The following ABLIM3 variants were observed in gnomAD, a reference collection of about 807,000 sequenced individuals.
ABLIM3 encodes actin binding LIM protein family member 3.
A neutral mutation model predicts 109.5 loss-of-function variants in ABLIM3; 61 were observed. The ratio of observed to expected loss-of-function variants is 0.56; its 90% CI spans 0.45 to 0.69. The LOEUF is 0.69. Ranked by LOEUF, ABLIM3 falls within the 30% of genes least tolerant of loss-of-function variation. ABLIM3 has a pLI of 0.00. For missense variants in ABLIM3, 796 were observed against 889.5 expected, an observed-to-expected ratio of 0.89 and a Z score of 1.34; for synonymous variants, 300 against 324.8, an observed-to-expected ratio of 0.92 and a Z score of 0.82.
At chr5:149,224,931 A>G (rs557143247) in intron 8 of ABLIM3, among the ~76,000 whole-genome samples, 1 of 152,326 alleles carries the variant, frequency 6.6e-6, no homozygotes, top group South Asian at 2.1e-4. Context: ...AGAATATTAC[A>G]TGAAATGATG....
chr5:149,192,322 G>A (rs992349051), intron 3 of ABLIM3, among the ~76,000 whole-genome samples: 2 of 150,470 alleles, frequency 1.3e-5, no homozygotes, highest in Non-Finnish European at 2.9e-5. Context: ...ATAATAAGGA[G>A]AAAGGAAAAG....
At chr5:149,177,984 G>A (rs933806090) in intron 2 of ABLIM3, among the ~76,000 whole-genome samples, 1 of 152,110 alleles carries the variant, frequency 6.6e-6, no homozygotes, top group Non-Finnish European at 1.5e-5. Context: ...AAGTGGCAGG[G>A]CTGGAATCCA....
intron 13 of ABLIM3, 133 bp downstream of exon 13, chr5:149,240,021 C>T (rs1344731554): frequency 2.3e-6 from 3 of 1,303,022 alleles, no homozygotes; most frequent in Non-Finnish European, 3.0e-6. Context: ...AGGCCTATGG[C>T]CACCCAGGTG....
At chr5:149,159,212 A>G (rs1754111010) in intron 2 of ABLIM3, among the ~76,000 whole-genome samples, 2 of 152,240 alleles carry the variant, frequency 1.3e-5, no homozygotes, top group African/African-American at 4.8e-5. Flanking sequence ...GGAACAAACT[A>G]TTGACACATG....
At chr5:149,179,917 G>A (rs965914759) in intron 2 of ABLIM3, among the ~76,000 whole-genome samples, 1 of 152,220 alleles carries the variant, frequency 6.6e-6, no homozygotes, top group African/African-American at 2.4e-5. Flanking sequence ...GAACGTTCTA[G>A]TGGATAGCAC....
At chr5:149,160,257 C>A (rs527597478) in intron 2 of ABLIM3, among the ~76,000 whole-genome samples, 1 of 151,970 alleles carries the variant, frequency 6.6e-6, no homozygotes, top group Admixed American at 6.6e-5. Context: ...GAGTTCGAGA[C>A]CAGCCTGGCC....
At chr5:149,258,010 G>A (rs1754593302) in intron 23 of ABLIM3, among the ~76,000 whole-genome samples, 1 of 152,198 alleles carries the variant, frequency 6.6e-6, no homozygotes, top group Non-Finnish European at 1.5e-5. Context: ...GGACTCCAAG[G>A]GGTGTGTAGT....
Position 149,259,625 on chromosome 5 carries a change from T to C in ABLIM3, c.*1221T>C, listed in dbSNP as rs1754739014. 2 of 1,526,096 alleles carry C rather than the reference T, an allele frequency of 1.3e-6. No homozygotes were observed. The highest frequency in any genetic ancestry group is 2.4e-5 in the South Asian group (2 of 83,862). The allele number at this position is 1,526,096 out of a possible 1,614,324, so 94.5% of individuals were successfully genotyped here. On this transcript the variant is annotated 3_prime_UTR_variant, in exon 24 of 24. Coordinates refer to ENST00000309868, the MANE Select transcript of ABLIM3 (RefSeq NM_014945.5). Reference sequence around the variant, plus strand: ...ACACCGCTCATGGCCATCCTGGATTTTCCCAGTGGCTTCCCTTCCTGCTCG... The same window carrying C: ...ACACCGCTCATGGCCATCCTGGATTCTCCCAGTGGCTTCCCTTCCTGCTCG...
intron 22 of ABLIM3, 33 bp from the exon 23 acceptor site, chr5:149,252,724 C>A: frequency 6.4e-7 from 1 of 1,569,906 alleles, no homozygotes; most frequent in Non-Finnish European, 8.8e-7. Flanking sequence ...ACCACCCTCA[C>A]CCAAGCTGGA....
intron 8 of ABLIM3, among the ~76,000 whole-genome samples, chr5:149,228,627 T>A (rs1300994423): frequency 6.6e-6 from 1 of 152,238 alleles, no homozygotes; most frequent in Non-Finnish European, 1.5e-5. Context: ...GGGATCTTCA[T>A]GAACAAATCA....
intron 5 of ABLIM3, 91 bp downstream of exon 5, chr5:149,200,519 G>C: frequency 4.4e-6 from 6 of 1,352,032 alleles, no homozygotes; most frequent in Non-Finnish European, 4.2e-6. Flanking sequence ...CCACGGGCCT[G>C]GAGGGAAGTG....
chr5:149,228,042 G>A (rs1216463552), intron 8 of ABLIM3, among the ~76,000 whole-genome samples: 1 of 152,156 alleles, frequency 6.6e-6, no homozygotes, highest in African/African-American at 2.4e-5. Context: ...GGATTTGGGG[G>A]CTGGTAAACA....
chr5:149,168,265 G>A (rs926279804), intron 2 of ABLIM3, among the ~76,000 whole-genome samples: 1 of 152,186 alleles, frequency 6.6e-6, no homozygotes, highest in African/African-American at 2.4e-5. Context: ...AGTAGGCTGA[G>A]CTCAAGCGCT....
At chr5:149,254,198 G>A (rs796817027) in intron 23 of ABLIM3, among the ~76,000 whole-genome samples, 4 of 152,032 alleles carry the variant, frequency 2.6e-5, no homozygotes, top group South Asian at 2.1e-4. Flanking sequence ...AATGCCCTTC[G>A]CATCTCACCA....
chr5:149,176,627 T>TA (rs1400547627), intron 2 of ABLIM3, among the ~76,000 whole-genome samples: 1 of 152,168 alleles, frequency 6.6e-6, no homozygotes, highest in Admixed American at 6.5e-5. Flanking sequence ...CCTCTTGAGT[T>TA]ACGAGGGCTC....
intron 19 of ABLIM3, 73 bp downstream of exon 19, chr5:149,249,917 C>G: frequency 6.4e-7 from 1 of 1,552,696 alleles, no homozygotes; most frequent in Non-Finnish European, 8.9e-7. Context: ...TGCAGTTCTC[C>G]ATAGTTCTAA....
At chr5:149,141,724 G>T (rs1264256842) in intron 1 of ABLIM3, 70 bp downstream of exon 1, 5 of 240,486 alleles carry the variant, frequency 2.1e-5, no homozygotes, top group Non-Finnish European at 3.2e-5. Context: ...CTGCCTCCCT[G>T]TGGTCCACAC....
At chr5:149,197,118 A>T (rs1028464775) in intron 3 of ABLIM3, among the ~76,000 whole-genome samples, 4 of 152,134 alleles carry the variant, frequency 2.6e-5, no homozygotes, top group Non-Finnish European at 5.9e-5. Context: ...AATTTTTCTA[A>T]ACTAGGGAAA....
chr5:149,248,719 T>C (rs1268811217), intron 18 of ABLIM3, among the ~76,000 whole-genome samples: 1 of 149,036 alleles, frequency 6.7e-6, no homozygotes, highest in East Asian at 1.9e-4. Context: ...AAGAACGATG[T>C]CTTATAATCA....
Sources: gnomAD v4.1 joint callset for allele counts (sites outside exome capture counted in the v4.1 genomes callset) on GRCh38, gnomAD v4.1.1 for gene constraint, MANE v1.5 for transcripts, NCBI Gene and HGNC (gene_info 2026-07-23, HGNC 2026-07-21) for gene names.